Variants in DPP6 observed in about 807,000 individuals in gnomAD.
The protein encoded by DPP6 is dipeptidyl peptidase like 6.
DPP6 carries 69 observed loss-of-function variants against 122.6 expected under a neutral mutation model. The observed-to-expected ratio is 0.56, with a 90% CI of 0.46 to 0.69. DPP6 has a LOEUF of 0.69. Ranked by LOEUF, DPP6 falls within the 30% of genes least tolerant of loss-of-function variation. The probability of loss-of-function intolerance (pLI) is 0.00; values close to 1 mark genes in which losing one functional copy is unlikely to be tolerated. For missense variants in DPP6, 928 were observed against 1,116.9 expected (o/e 0.83, Z 2.41); for synonymous variants, 418 against 433.1 (o/e 0.97, Z 0.43).
At chr7:154,076,875 A>G (rs565071323) in intron 1 of DPP6, among the ~76,000 whole-genome samples, 73 of 151,598 alleles carry the variant, frequency 4.8e-4, no homozygotes, top group African/African-American at 1.7e-3. Flanking sequence ...GCTTTGAAAC[A>G]GAAACCGAAA....
chr7:153,860,930 C>A, the DPP6 span, among the ~76,000 whole-genome samples: 8 of 152,250 alleles, frequency 5.3e-5, no homozygotes, highest in African/African-American at 7.2e-5. Flanking sequence ...TCTGTGCCTA[C>A]GAATATGTTA....
At chr7:154,173,857 T>A (rs1228160004) in intron 1 of DPP6, among the ~76,000 whole-genome samples, 2 of 152,186 alleles carry the variant, frequency 1.3e-5, no homozygotes, top group African/African-American at 4.8e-5. Context: ...GGCCTTTGAC[T>A]GTGGCTGGGC....
chr7:153,801,971 C>G, the DPP6 span, among the ~76,000 whole-genome samples: 1 of 152,086 alleles, frequency 6.6e-6, no homozygotes, highest in Non-Finnish European at 1.5e-5. Context: ...CCTCATGTCT[C>G]AAACAGAGGG....
At chr7:153,979,250 G>A (rs1381008335) in intron 1 of DPP6, among the ~76,000 whole-genome samples, 33 of 151,884 alleles carry the variant, frequency 2.2e-4, no homozygotes, top group Non-Finnish European at 1.0e-4. Context: ...TCCTTGAAGA[G>A]GTCCTTCACA....
At chr7:153,810,650 C>T in the DPP6 span, among the ~76,000 whole-genome samples, 7 of 143,664 alleles carry the variant, frequency 4.9e-5, no homozygotes, top group African/African-American at 1.3e-4. Context: ...TAATCCAAAT[C>T]GCTCCCTCTC....
intron 4 of DPP6, among the ~76,000 whole-genome samples, chr7:154,556,199 T>G (rs992384170): frequency 6.6e-6 from 1 of 152,214 alleles, no homozygotes; most frequent in Non-Finnish European, 1.5e-5. Flanking sequence ...TTTATTAAAT[T>G]TGTGTATCAA....
chr7:154,136,103 G>A (rs933135644), intron 1 of DPP6, among the ~76,000 whole-genome samples: 1 of 152,106 alleles, frequency 6.6e-6, no homozygotes, highest in Non-Finnish European at 1.5e-5. Context: ...TACCTCTCTT[G>A]TGTTTCTCCA....
chr7:154,743,365 C>T (rs535282566), intron 8 of DPP6, among the ~76,000 whole-genome samples: 1 of 152,166 alleles, frequency 6.6e-6, no homozygotes, highest in Admixed American at 6.6e-5. Flanking sequence ...GCCTAATGAG[C>T]CTGTGCTGCC....
intron 1 of DPP6, among the ~76,000 whole-genome samples, chr7:153,926,343 A>T (rs1203070177): frequency 6.6e-6 from 1 of 152,238 alleles, no homozygotes; most frequent in African/African-American, 2.4e-5. Flanking sequence ...GAAAGCAAAA[A>T]GGAGAAAACA....
chr7:154,046,692 A>T (rs1424242894), intron 1 of DPP6, among the ~76,000 whole-genome samples: 1 of 151,982 alleles, frequency 6.6e-6, no homozygotes, highest in Non-Finnish European at 1.5e-5. Context: ...GGAAGAAGAG[A>T]TGGAAAGATA....
chr7:154,523,319 A>G (rs1278714083), intron 3 of DPP6, among the ~76,000 whole-genome samples: 4 of 152,316 alleles, frequency 2.6e-5, no homozygotes, highest in Admixed American at 1.3e-4. Flanking sequence ...ACAAATGCCA[A>G]TTAATTTCAA....
chr7:154,384,167 G>C (rs1813878973), intron 1 of DPP6, among the ~76,000 whole-genome samples: 1 of 152,152 alleles, frequency 6.6e-6, no homozygotes, highest in Non-Finnish European at 1.5e-5. Flanking sequence ...GCACACTGGT[G>C]GGACCCAAGC....
chr7:154,023,317 T>TGCACGCACGC (rs3059905), intron 1 of DPP6, among the ~76,000 whole-genome samples: 1 of 40,976 alleles, frequency 2.4e-5, no homozygotes, highest in South Asian at 8.8e-4. Context: ...GTTTCTTGTC[T>TGCACGCACGC]GCACACACAC....
intron 1 of DPP6, among the ~76,000 whole-genome samples, chr7:153,987,007 G>C (rs1407119299): frequency 1.3e-5 from 2 of 152,172 alleles, no homozygotes; most frequent in African/African-American, 2.4e-5. Context: ...CCAGAGTAAG[G>C]TTAGTTCGGT....
chr7:153,942,298 C>T (rs991515532), intron 1 of DPP6, among the ~76,000 whole-genome samples: 2 of 152,204 alleles, frequency 1.3e-5, no homozygotes, highest in African/African-American at 2.4e-5. Context: ...TTGCGACTTA[C>T]AAGAATTTGC....
At chr7:154,540,377 C>T (rs1255072618) in intron 3 of DPP6, among the ~76,000 whole-genome samples, 155 bp from the exon 4 acceptor site, 1 of 152,112 alleles carries the variant, frequency 6.6e-6, no homozygotes, top group Admixed American at 6.6e-5. Context: ...TTAAGAAGAG[C>T]TGGGCATATT....
At chr7:154,646,027 C>CAAAAAAAAAAAAA (rs71184020) in intron 6 of DPP6, among the ~76,000 whole-genome samples, 4,286 of 57,824 alleles carry the variant, frequency 0.074, 886 homozygotes, top group Non-Finnish European at 0.1. Context: ...GACTCCGTCT[C>CAAAAAAAAAAAAA]AAAAAAAAAA....
intron 1 of DPP6, among the ~76,000 whole-genome samples, chr7:154,242,327 C>A (rs1801673320): frequency 1.3e-5 from 2 of 152,090 alleles, no homozygotes; most frequent in African/African-American, 4.8e-5. Flanking sequence ...ATCAGATCAA[C>A]TGACAGACTT....
intron 1 of DPP6, among the ~76,000 whole-genome samples, chr7:154,434,204 CAA>C (rs1482187334): frequency 6.6e-6 from 1 of 152,168 alleles, no homozygotes; most frequent in Non-Finnish European, 1.5e-5. Flanking sequence ...CATGAAAACC[CAA>C]GTTTCGCTAC....
Sources: allele counts gnomAD v4.1 joint callset (sites outside exome capture counted in the v4.1 genomes callset), GRCh38; gene constraint gnomAD v4.1.1; transcripts MANE v1.5; gene names NCBI Gene and HGNC (gene_info 2026-07-23, HGNC 2026-07-21).